The following CCSER1 variants were observed in gnomAD, a reference collection of about 807,000 sequenced individuals.
The protein encoded by CCSER1 is serine-rich coiled-coil domain-containing protein 1.
Under a neutral mutation model 82.0 loss-of-function variants are expected in CCSER1, and 41 were observed. The observed-to-expected ratio is 0.50, with a 90% CI of 0.39 to 0.65. The LOEUF is 0.65. Among genes scored for constraint, CCSER1 ranks in the 30% least tolerant of loss-of-function variants. CCSER1 has a pLI of 0.00. For synonymous variants in CCSER1, 414 were observed against 383.9 expected (o/e 1.08, Z -0.92); for missense variants, 1,119 against 1,064.2 (o/e 1.05, Z -0.72).
At chr4:91,508,159 TGG>T (rs1560725263) in intron 10 of CCSER1, among the ~76,000 whole-genome samples, 3 of 80,004 alleles carry the variant, frequency 3.7e-5, no homozygotes, top group Non-Finnish European at 7.9e-5. Flanking sequence ...TTTTTTTTTC[TGG>T]GTTTTTTTTT....
At chr4:90,562,659 TC>T (rs1778914362) in intron 5 of CCSER1, among the ~76,000 whole-genome samples, 3 of 151,992 alleles carry the variant, frequency 2.0e-5, no homozygotes, top group Admixed American at 2.0e-4. Context: ...TGCCCCAGCC[TC>T]CCAAGTAGCT....
At chr4:90,821,148 A>T (rs913457914) in intron 8 of CCSER1, among the ~76,000 whole-genome samples, 2 of 152,208 alleles carry the variant, frequency 1.3e-5, no homozygotes, top group East Asian at 3.8e-4. Flanking sequence ...TACTTATTAC[A>T]GTATCATTTC....
At position 90,973,355 on chromosome 4, in the gene CCSER1, A is replaced by C. The variant is rs942288166; in HGVS notation, c.2172+49908A>C. 1.9e-4 allele frequency among the ~76,000 whole-genome samples: 29 copies of C among 151,720 alleles called. 1 individual carries two copies. The highest frequency in any genetic ancestry group is 7.0e-4 in the African/African-American group (29 of 41,318). Reference sequence around the variant, plus strand: ...ATAACCTGATTAAAAATTGGGCAAAAGGCTCAGTCATTTCTCCAAATAAGA... The same window carrying C: ...ATAACCTGATTAAAAATTGGGCAAACGGCTCAGTCATTTCTCCAAATAAGA... On this transcript the variant is annotated intron_variant, in intron 9 of 10. Coordinates refer to ENST00000509176, the MANE Select transcript of CCSER1 (RefSeq NM_001145065.2).
chr4:90,284,378 G>A (rs2153462209), intron 1 of CCSER1, among the ~76,000 whole-genome samples: 1 of 151,936 alleles, frequency 6.6e-6, no homozygotes. Context: ...GTGCTTTTGT[G>A]ATCTTACTCA....
intron 1 of CCSER1, among the ~76,000 whole-genome samples, chr4:90,156,940 C>G (rs184069109): frequency 6.6e-6 from 1 of 152,118 alleles, no homozygotes; most frequent in Non-Finnish European, 1.5e-5. Flanking sequence ...TTATTTTGCT[C>G]GTTAGTTCAT....
At chr4:90,741,324 C>T (rs1746522690) in intron 7 of CCSER1, among the ~76,000 whole-genome samples, 1 of 152,094 alleles carries the variant, frequency 6.6e-6, no homozygotes, top group Admixed American at 6.6e-5. Flanking sequence ...TCAAAAGATG[C>T]CAGGGCAGTT....
At chr4:91,012,712 TAATGTAGAATAGTAG>T (rs1739104023) in intron 9 of CCSER1, among the ~76,000 whole-genome samples, 1 of 88,744 alleles carries the variant, frequency 1.1e-5, no homozygotes. Context: ...AACTCTAAGA[TAATGTAGAATAGTAG>T]CCACATGGGC....
chr4:90,167,021 C>T (rs1730577797), intron 1 of CCSER1, among the ~76,000 whole-genome samples: 1 of 151,854 alleles, frequency 6.6e-6, no homozygotes, highest in African/African-American at 2.4e-5. Context: ...TATGTTATAT[C>T]ATCTTCTTAT....
chr4:90,372,117 A>G (rs911341463), intron 3 of CCSER1, among the ~76,000 whole-genome samples: 13 of 152,254 alleles, frequency 8.5e-5, no homozygotes, highest in African/African-American at 3.1e-4. Context: ...TCCATAGAGT[A>G]CAAAAGACTG....
At chr4:91,241,993 T>A (rs1739407914) in intron 10 of CCSER1, among the ~76,000 whole-genome samples, 1 of 152,152 alleles carries the variant, frequency 6.6e-6, no homozygotes, top group African/African-American at 2.4e-5. Flanking sequence ...TGTGCATATA[T>A]ATGTATGCAA....
chr4:91,578,889 T>C (rs916774423), intron 10 of CCSER1, among the ~76,000 whole-genome samples: 15 of 151,930 alleles, frequency 9.9e-5, no homozygotes, highest in African/African-American at 3.4e-4. Flanking sequence ...TGATAGAATA[T>C]ACATATATGT....
intron 9 of CCSER1, among the ~76,000 whole-genome samples, chr4:90,959,449 G>A (rs1319106891): frequency 6.6e-6 from 1 of 152,136 alleles, no homozygotes; most frequent in Non-Finnish European, 1.5e-5. Flanking sequence ...ACTCAGGGAA[G>A]ATACATTTTC....
At chr4:91,310,440 C>T (rs928605863) in intron 10 of CCSER1, among the ~76,000 whole-genome samples, 3 of 150,628 alleles carry the variant, frequency 2.0e-5, no homozygotes, top group South Asian at 2.1e-4. Context: ...AGAAAGTTTA[C>T]GAATTTTTGT....
chr4:91,068,715 CTTG>C (rs1721104484), intron 9 of CCSER1, among the ~76,000 whole-genome samples: 1 of 152,086 alleles, frequency 6.6e-6, no homozygotes, highest in Admixed American at 6.6e-5. Flanking sequence ...CCACTGGTTA[CTTG>C]TTTAATATTT....
chr4:90,390,101 A>G (rs1008119908), intron 3 of CCSER1, among the ~76,000 whole-genome samples: 1 of 152,194 alleles, frequency 6.6e-6, no homozygotes, highest in Non-Finnish European at 1.5e-5. Flanking sequence ...AGAAATTCAA[A>G]TGACATTTTT....
chr4:90,739,700 A>G (rs774757257), intron 7 of CCSER1, among the ~76,000 whole-genome samples: 6 of 152,156 alleles, frequency 3.9e-5, no homozygotes, highest in Non-Finnish European at 8.8e-5. Context: ...CATGTCACCA[A>G]CTGAGCTCTG....
At chr4:90,717,962 A>G (rs533741025) in intron 6 of CCSER1, among the ~76,000 whole-genome samples, 2 of 152,070 alleles carry the variant, frequency 1.3e-5, no homozygotes, top group South Asian at 2.1e-4. Flanking sequence ...TGTGTACTCA[A>G]TACTTTTTGA....
At chr4:90,420,947 C>T (rs1049932272) in intron 4 of CCSER1, among the ~76,000 whole-genome samples, 3 of 152,056 alleles carry the variant, frequency 2.0e-5, no homozygotes, top group Admixed American at 6.5e-5. Flanking sequence ...TATGTGGTGA[C>T]ATCTCCATAC....
At chr4:90,132,001 T>C (rs754565973) in intron 1 of CCSER1, among the ~76,000 whole-genome samples, 6 of 152,196 alleles carry the variant, frequency 3.9e-5, no homozygotes, top group Admixed American at 1.3e-4. Context: ...GTAAAGAAAT[T>C]GCACAAATAT....
Sources: gnomAD v4.1 joint callset for allele counts (sites outside exome capture counted in the v4.1 genomes callset) on GRCh38, gnomAD v4.1.1 for gene constraint, MANE v1.5 for transcripts, NCBI Gene and HGNC (gene_info 2026-07-23, HGNC 2026-07-21) for gene names.